The following GPC6 variants were observed in gnomAD, a reference collection of about 807,000 sequenced individuals.
GPC6 encodes the protein glypican-6.
A neutral mutation model predicts 55.2 loss-of-function variants in GPC6; 14 were observed. The ratio of observed to expected loss-of-function variants is 0.25; its 90% CI spans 0.17 to 0.40. The LOEUF is 0.40. Among genes scored for constraint, GPC6 ranks in the 10% least tolerant of loss-of-function variants. The probability of loss-of-function intolerance (pLI) is 1.00; values close to 1 mark genes in which losing one functional copy is unlikely to be tolerated. For synonymous variants in GPC6, 278 were observed against 259.6 expected, an observed-to-expected ratio of 1.07 and a Z score of -0.68; for missense variants, 641 against 708.5, an observed-to-expected ratio of 0.90 and a Z score of 1.08.
chr13:93,496,793 G>A (rs1209422140), intron 1 of GPC6, among the ~76,000 whole-genome samples: 1 of 152,190 alleles, frequency 6.6e-6, no homozygotes, highest in Non-Finnish European at 1.5e-5. Context: ...CAGTTATCAT[G>A]ATGATTTAAT....
intron 1 of GPC6, among the ~76,000 whole-genome samples, chr13:93,398,077 T>C (rs1422511341): frequency 6.6e-6 from 1 of 152,160 alleles, no homozygotes; most frequent in Non-Finnish European, 1.5e-5. Context: ...TCAAACTACA[T>C]TTAGGCAGTA....
At chr13:94,125,260 A>G (rs1886767586) in intron 4 of GPC6, among the ~76,000 whole-genome samples, 2 of 152,122 alleles carry the variant, frequency 1.3e-5, no homozygotes, top group African/African-American at 4.8e-5. Context: ...GTATTTTATG[A>G]CAATGTCTTG....
At position 93,227,367 on chromosome 13, in the gene GPC6, C is replaced by T; in HGVS notation, c.-90C>T. On this transcript the variant is annotated 5_prime_UTR_variant, in exon 1 of 9. Coordinates refer to ENST00000377047, the MANE Select transcript of GPC6 (RefSeq NM_005708.5). The surrounding 1 kb of genome is among the most constrained non-coding windows in gnomAD (Gnocchi z 4.3). The stretch of plus-strand genomic sequence containing the variant: ...ACGCTGGGCAGCGGCGAGGAGCGCG[C>T]CGCTGCCTCTGGCGGGCTTTCGGCT... 5 of 1,355,438 alleles carry T rather than the reference C, an allele frequency of 3.7e-6. No individual in the cohort carries two copies. The highest frequency in any genetic ancestry group is 5.2e-6 in the Non-Finnish European group (5 of 968,422). The allele number at this position is 1,355,438 out of a possible 1,614,324, so 84.0% of individuals were successfully genotyped here.
chr13:93,417,996 ATACTT>A (rs1320419466), intron 1 of GPC6, among the ~76,000 whole-genome samples: 4 of 152,100 alleles, frequency 2.6e-5, no homozygotes, highest in Non-Finnish European at 5.9e-5. Flanking sequence ...ATAAGAATCG[ATACTT>A]TACTTGTCAA....
chr13:93,880,165 C>G (rs1036223784), intron 3 of GPC6, among the ~76,000 whole-genome samples: 19 of 151,390 alleles, frequency 1.3e-4, no homozygotes, highest in Non-Finnish European at 1.5e-5. Context: ...GGCGATTCCT[C>G]AGGGATCTAG....
At chr13:94,270,964 A>ATTTTTTTTTT (rs764819082) in intron 4 of GPC6, among the ~76,000 whole-genome samples, 3 of 49,672 alleles carry the variant, frequency 6.0e-5, no homozygotes, top group Non-Finnish European at 1.1e-4. Context: ...GAGAAGTATA[A>ATTTTTTTTTT]TTTTTTTTTT....
chr13:93,648,026 C>T (rs551972561), intron 2 of GPC6, among the ~76,000 whole-genome samples: 54 of 152,182 alleles, frequency 3.5e-4, no homozygotes, highest in Non-Finnish European at 5.9e-4. Context: ...GCGAGTGGCA[C>T]CATCCTTGAA....
In GPC6 at chr13:93,622,030, T is replaced by C. The variant is rs550508811; in HGVS notation, c.319+76609T>C. 1.3e-3 allele frequency among the ~76,000 whole-genome samples: 194 copies of C among 152,256 alleles called. 5 individuals are homozygous for C. In the South Asian group the frequency reaches 0.039, roughly 31 times the overall value. ...CACCCCAGCTGCCACCCAGACACCC[T>C]TCCCAGCTTCTGGTATCCATCAGTC... On this transcript the variant is annotated intron_variant, in intron 2 of 8. Transcript: ENST00000377047.
intron 2 of GPC6, among the ~76,000 whole-genome samples, chr13:93,699,066 G>A (rs780387935): frequency 5.3e-5 from 8 of 152,080 alleles, no homozygotes; most frequent in African/African-American, 1.2e-4. Flanking sequence ...AGAATTGACT[G>A]TTCAGCCAGG....
intron 1 of GPC6, among the ~76,000 whole-genome samples, chr13:93,531,495 G>T (rs569939021): frequency 1.3e-5 from 2 of 151,978 alleles, no homozygotes; most frequent in African/African-American, 2.4e-5. Flanking sequence ...ATTAGGTTAG[G>T]CCTGCCCACA....
chr13:93,770,953 C>A (rs1885270490), intron 2 of GPC6, among the ~76,000 whole-genome samples: 1 of 151,348 alleles, frequency 6.6e-6, no homozygotes. Flanking sequence ...GTAACGTAAC[C>A]CTCTAGGTAG....
At position 94,078,646 on chromosome 13, in the gene GPC6, G is replaced by A. The variant is rs190338774; in HGVS notation, c.877+50752G>A. Among the ~76,000 whole-genome samples the A allele has an allele frequency of 5.5e-3, 837 of 151,952 alleles. 5 individuals carry two copies. Among genetic ancestry groups the A allele is most frequent in the Non-Finnish European group, 7.6e-3 (512 of 67,800 alleles). On this transcript the variant is annotated intron_variant, in intron 4 of 8. Coordinates refer to ENST00000377047, the MANE Select transcript of GPC6 (RefSeq NM_005708.5). ...ACCAACAAATGGGATGTCCTAGAAA[G>A]AAAATGAATAAATTTCTGGATACAT...
At chr13:94,009,400 T>G (rs1882152143) in intron 3 of GPC6, among the ~76,000 whole-genome samples, 1 of 152,192 alleles carries the variant, frequency 6.6e-6, no homozygotes. Flanking sequence ...TTTCTCTACA[T>G]GCATAATCAT....
intron 2 of GPC6, among the ~76,000 whole-genome samples, chr13:93,628,431 G>A (rs1250238572): frequency 6.6e-6 from 1 of 152,200 alleles, no homozygotes; most frequent in African/African-American, 2.4e-5. Context: ...GGAGACTGTA[G>A]TCTGCCAACA....
chr13:94,191,863 A>G (rs1889406503), intron 4 of GPC6, among the ~76,000 whole-genome samples: 1 of 152,152 alleles, frequency 6.6e-6, no homozygotes, highest in Admixed American at 6.5e-5. Context: ...CCAAACCCAG[A>G]TAATAGCAAA....
At chr13:93,840,608 C>T (rs1004377844) in intron 3 of GPC6, among the ~76,000 whole-genome samples, 1 of 152,082 alleles carries the variant, frequency 6.6e-6, no homozygotes, top group Non-Finnish European at 1.5e-5. Flanking sequence ...TATTTTTGTA[C>T]CTTCCTACCC....
chr13:93,358,446 T>G (rs1880929428), intron 1 of GPC6, among the ~76,000 whole-genome samples: 1 of 152,060 alleles, frequency 6.6e-6, no homozygotes, highest in African/African-American at 2.4e-5. Flanking sequence ...TACCAAGAGG[T>G]GGCTATCTTC....
the GPC6 span, among the ~76,000 whole-genome samples, chr13:93,217,888 T>C: frequency 6.6e-6 from 1 of 152,202 alleles, no homozygotes; most frequent in Admixed American, 6.5e-5. Flanking sequence ...ACTAGGGTGT[T>C]GTGAAGCCCA....
intron 1 of GPC6, among the ~76,000 whole-genome samples, chr13:93,472,564 G>A (rs886266079): frequency 6.6e-6 from 1 of 152,212 alleles, no homozygotes; most frequent in Non-Finnish European, 1.5e-5. Flanking sequence ...TGGAAAATGT[G>A]GGGGTGCCCG....
Sources: allele counts gnomAD v4.1 joint callset (sites outside exome capture counted in the v4.1 genomes callset), GRCh38; gene constraint gnomAD v4.1.1; non-coding constraint Gnocchi (gnomAD v3.1); transcripts MANE v1.5; gene names NCBI Gene and HGNC (gene_info 2026-07-23, HGNC 2026-07-21).